Variants in DCC observed in about 807,000 individuals in gnomAD.
DCC encodes netrin receptor DCC.
DCC carries 58 observed loss-of-function variants against 172.5 expected under a neutral mutation model. The observed-to-expected ratio is 0.34, with a 90% CI of 0.27 to 0.42. The LOEUF (loss-of-function observed/expected upper bound fraction) is 0.42. Among genes scored for constraint, DCC ranks in the 10% least tolerant of loss-of-function variants. The probability of loss-of-function intolerance (pLI) is 1.00; values close to 1 mark genes in which losing one functional copy is unlikely to be tolerated. For missense variants in DCC, 1,740 were observed against 1,791.0 expected, an observed-to-expected ratio of 0.97 and a Z score of 0.51; for synonymous variants, 709 against 644.5, an observed-to-expected ratio of 1.10 and a Z score of -1.52.
chr18:52,544,477 A>T (rs1427612912), intron 1 of DCC, among the ~76,000 whole-genome samples: 3 of 150,622 alleles, frequency 2.0e-5, no homozygotes, highest in Non-Finnish European at 2.9e-5. Flanking sequence ...GCACCACAAG[A>T]CATTCCTTCC....
At chr18:52,860,086 C>T (rs2039116306) in intron 2 of DCC, among the ~76,000 whole-genome samples, 1 of 152,176 alleles carries the variant, frequency 6.6e-6, no homozygotes, top group Admixed American at 6.5e-5. Context: ...GCAGCAAATC[C>T]ATCTCTAATA....
At chr18:53,347,721 T>G (rs1346128043) in intron 15 of DCC, among the ~76,000 whole-genome samples, 2 of 152,142 alleles carry the variant, frequency 1.3e-5, no homozygotes, top group East Asian at 3.9e-4. Context: ...TACAGTTCCA[T>G]GTGGCTGGGG....
rs2042988977 is a variant in DCC at position 53,090,623 on chromosome 18, G to A, written c.1261+24457G>A. On this transcript the variant is annotated intron_variant, in intron 7 of 28. Coordinates refer to ENST00000442544, the MANE Select transcript of DCC (RefSeq NM_005215.4). ...GCAGGAGAATGGCATGAACCCGGGA[G>A]GCAGAGCTTGCAGTGAGCCGAGATC... 2.2e-5 allele frequency among the ~76,000 whole-genome samples: 3 copies of A among 137,248 alleles called. No homozygotes were observed. In the Admixed American group the frequency reaches 2.3e-4, roughly 11 times the overall value. The allele number at this position is 137,248 out of a possible 152,430, so 90.0% of individuals were successfully genotyped here. A position where few individuals can be genotyped will look rare whatever the true frequency, so the allele number is the denominator to read the frequency against.
chr18:52,932,323 C>G (rs1401923719), intron 5 of DCC, among the ~76,000 whole-genome samples: 2 of 152,138 alleles, frequency 1.3e-5, no homozygotes, highest in African/African-American at 4.8e-5. Context: ...GGAAGAAAGA[C>G]AGTCCTCCAT....
At chr18:53,334,796 A>G (rs1303054128) in intron 14 of DCC, among the ~76,000 whole-genome samples, 1 of 152,160 alleles carries the variant, frequency 6.6e-6, no homozygotes. Context: ...ATACTATTCC[A>G]TTATGTGTAT....
intron 1 of DCC, among the ~76,000 whole-genome samples, chr18:52,580,228 A>C (rs551715194): frequency 6.6e-6 from 1 of 152,346 alleles, no homozygotes; most frequent in Non-Finnish European, 1.5e-5. Context: ...AGGCCCAATC[A>C]GAATCAAAGA....
intron 13 of DCC, among the ~76,000 whole-genome samples, chr18:53,307,971 A>C (rs2057223075): frequency 7.0e-6 from 1 of 142,516 alleles, no homozygotes; most frequent in African/African-American, 2.6e-5. Context: ...CGAGGTATAT[A>C]CATGTGTATG....
At chr18:52,763,994 C>A (rs1001302635) in intron 2 of DCC, among the ~76,000 whole-genome samples, 1 of 152,170 alleles carries the variant, frequency 6.6e-6, no homozygotes, top group Admixed American at 6.5e-5. Flanking sequence ...GCTAATAATT[C>A]ATTAATGAAT....
intron 12 of DCC, among the ~76,000 whole-genome samples, chr18:53,285,696 A>G (rs1038010678): frequency 7.2e-5 from 11 of 152,192 alleles, no homozygotes; most frequent in African/African-American, 2.7e-4. Context: ...CCAGAATGGT[A>G]TAACCACTGA....
rs575635668 is a variant in DCC at position 52,873,100 on chromosome 18, C to T, written c.413-32944C>T. ...GTCACAGGCTGATTTTTTAAAAATA[C>T]CTTACAAAATATCCTACAAAATATC... On this transcript the variant is annotated intron_variant, in intron 2 of 28. Transcript: ENST00000442544. Among the ~76,000 whole-genome samples the T allele has an allele frequency of 3.9e-5, 6 of 152,230 alleles. No individual in the cohort carries two copies. In the South Asian group the frequency reaches 1.2e-3, roughly 32 times the overall value.
At chr18:53,133,830 A>G (rs2043696348) in intron 7 of DCC, among the ~76,000 whole-genome samples, 1 of 152,190 alleles carries the variant, frequency 6.6e-6, no homozygotes, top group African/African-American at 2.4e-5. Context: ...TAAAGCCAGG[A>G]GATACAACAA....
intron 15 of DCC, among the ~76,000 whole-genome samples, chr18:53,381,944 C>T (rs143116022): frequency 2.2e-3 from 332 of 151,910 alleles, no homozygotes; most frequent in African/African-American, 7.8e-3. Flanking sequence ...TATCTTGGAC[C>T]TGAATAGTGG....
At chr18:52,820,363 C>T (rs149970346) in intron 2 of DCC, among the ~76,000 whole-genome samples, 6 of 152,250 alleles carry the variant, frequency 3.9e-5, no homozygotes, top group South Asian at 2.1e-4. Flanking sequence ...TATAAAAGCA[C>T]CCCCAAACAC....
At chr18:52,656,577 G>A (rs968298681) in intron 1 of DCC, among the ~76,000 whole-genome samples, 1 of 152,154 alleles carries the variant, frequency 6.6e-6, no homozygotes, top group African/African-American at 2.4e-5. Flanking sequence ...TATGTGACAT[G>A]TGAAGAAAAA....
rs568806586 is a variant in DCC, at chr18:53,146,466, C to G, written c.1262-10890C>G. 4.6e-5 allele frequency among the ~76,000 whole-genome samples: 7 copies of G among 152,220 alleles called. No individual in the cohort carries two copies. In the East Asian group the frequency reaches 1.4e-3, roughly 29 times the overall value. ...GCAAAAACTGGGGCAAACTCTTTGC[C>G]AAGTCCTTTTATAAGAGCAATGATT... is the stretch of plus-strand genomic sequence containing the variant. On this transcript the variant is annotated intron_variant, in intron 7 of 28. Transcript: ENST00000442544.
At chr18:53,052,099 A>T (rs1190364647) in intron 5 of DCC, among the ~76,000 whole-genome samples, 3 of 151,692 alleles carry the variant, frequency 2.0e-5, no homozygotes, top group Admixed American at 1.3e-4. Flanking sequence ...TGGTAATTTG[A>T]TATTTGGTGG....
At chr18:52,440,968 A>G (rs1987953224) in intron 1 of DCC, among the ~76,000 whole-genome samples, 1 of 152,244 alleles carries the variant, frequency 6.6e-6, no homozygotes, top group Non-Finnish European at 1.5e-5. Flanking sequence ...CTACATTGTT[A>G]TAAACCACAG....
chr18:52,624,933 G>A (rs1284523708), intron 1 of DCC, among the ~76,000 whole-genome samples: 1 of 152,126 alleles, frequency 6.6e-6, no homozygotes, highest in African/African-American at 2.4e-5. Flanking sequence ...TGAGAAATGT[G>A]GCATTAGGTG....
At chr18:53,226,164 T>G (rs2056024763) in intron 12 of DCC, among the ~76,000 whole-genome samples, 1 of 152,072 alleles carries the variant, frequency 6.6e-6, no homozygotes, top group African/African-American at 2.4e-5. Flanking sequence ...GGACACAATG[T>G]TTCGGATAGG....
Sources: gnomAD v4.1 joint callset for allele counts (sites outside exome capture counted in the v4.1 genomes callset) on GRCh38, gnomAD v4.1.1 for gene constraint, MANE v1.5 for transcripts, NCBI Gene and HGNC (gene_info 2026-07-23, HGNC 2026-07-21) for gene names.